USH1C: variants seen among roughly 807,000 people sequenced by gnomAD.
USH1C encodes the protein harmonin.
USH1C carries 90 observed loss-of-function variants against 119.3 expected under a neutral mutation model. The ratio of observed to expected loss-of-function variants is 0.75; its 90% confidence interval spans 0.64 to 0.90. The LOEUF (loss-of-function observed/expected upper bound fraction) is 0.90. USH1C is among the 40% of genes least tolerant of loss of function. The pLI is 0.00. For missense variants in USH1C, 1,165 were observed against 1,167.7 expected (o/e 1.00, Z 0.03); for synonymous variants, 465 against 443.3 (o/e 1.05, Z -0.62).
At chr11:17,523,629 G>A in intron 9 of USH1C, 151 bp from the exon 10 acceptor site, 1 of 777,674 alleles carries the variant, frequency 1.3e-6, no homozygotes, top group East Asian at 2.7e-5. Context: ...CAGTTGGAAA[G>A]CTCTGGTGGA....
chr11:17,530,818 G>A (rs1850931852), intron 4 of USH1C, among the ~76,000 whole-genome samples: 2 of 152,282 alleles, frequency 1.3e-5, no homozygotes, highest in Admixed American at 1.3e-4. Flanking sequence ...CTGGTAAAAG[G>A]CAACAGGTCC....
At chr11:17,526,477 C>T (rs756968697) in intron 7 of USH1C, 36 bp from the exon 8 acceptor site, 9 of 1,579,780 alleles carry the variant, frequency 5.7e-6, no homozygotes, top group Non-Finnish European at 7.8e-6. Flanking sequence ...ACGGAGTGTC[C>T]ACATGCGTGC....
intron 20 of USH1C, 132 bp from the exon 21 acceptor site, chr11:17,502,112 G>A: frequency 1.2e-6 from 1 of 863,936 alleles, no homozygotes; most frequent in Non-Finnish European, 1.8e-6. Flanking sequence ...GCACGGCCAG[G>A]GTACGGGATG....
Position 17,498,195 on chromosome 11 carries a change from C to T in USH1C, c.2457G>A (p.Glu819=). 1.2e-6 allele frequency: 2 copies of T among 1,613,886 alleles called. No individual in the cohort carries two copies. Among genetic ancestry groups the T allele is most frequent in the Non-Finnish European group, 1.7e-6 (2 of 1,179,964 alleles). The change falls in exon 24 of 27, where the codon GAG becomes GAA. Residue 819 remains glutamate, a synonymous_variant. Coordinates refer to ENST00000005226, the MANE Select transcript of USH1C (RefSeq NM_153676.4). ...GATTCCAGGCCTTCTGCAGGGCAGC[C>T]TCAGCCTCAGCCAGGGTGTAGTCTG... ...IVTDYTLAEA[E]AALQKAWNQG...
chr11:17,532,311 T>A (rs755231129), intron 2 of USH1C, among the ~76,000 whole-genome samples: 1 of 152,212 alleles, frequency 6.6e-6, no homozygotes, highest in Non-Finnish European at 1.5e-5. Context: ...TATTATTATT[T>A]TTTTGAGACA....
intron 4 of USH1C, among the ~76,000 whole-genome samples, chr11:17,529,928 G>A (rs956240806): frequency 1.3e-5 from 2 of 152,194 alleles, no homozygotes; most frequent in Non-Finnish European, 2.9e-5. Flanking sequence ...GAAAAAAGGC[G>A]GCCTCAGCTG....
In USH1C at chr11:17,520,957, C is replaced by G. The variant is rs372333441; in HGVS notation, c.1123G>C (p.Glu375Gln). ...EEEEKFKKQW[E>Q]EDWGSKEQLL... Reference sequence around the variant, plus strand: ...TGTTCCTTTGAGCCCCAGTCTTCTTCCCATTGCTTCTTAAACTTCTCTTCC... The same window carrying G: ...TGTTCCTTTGAGCCCCAGTCTTCTTGCCATTGCTTCTTAAACTTCTCTTCC... The change falls in exon 14 of 27, where the codon GAA becomes CAA. Residue 375 changes from glutamate to glutamine, a missense_variant. Glu to Gln is a conservative substitution (Grantham distance 29). Coordinates refer to ENST00000005226, the MANE Select transcript of USH1C (RefSeq NM_153676.4). The G allele has an allele frequency of 1.2e-6, 2 of 1,613,974 alleles. No homozygotes were observed. The highest frequency in any genetic ancestry group is 2.7e-5 in the African/African-American group (2 of 74,890).
chr11:17,505,724 G>C (rs756233343), intron 19 of USH1C, 106 bp downstream of exon 19: 2 of 1,526,646 alleles, frequency 1.3e-6, no homozygotes, highest in Admixed American at 3.7e-5. Flanking sequence ...TCTGTGATCT[G>C]CATTTTTGTC....
In USH1C at chr11:17,505,874, C is replaced by A. The variant is rs139116036; in HGVS notation, c.2089G>T (p.Glu697Ter). The change falls in exon 19 of 27, where the codon GAG becomes TAG. Residue 697 changes from glutamate (E) to a stop codon, truncating the protein, a stop_gained. Transcript: ENST00000005226. LOFTEE classifies it high-confidence loss of function. The stretch of plus-strand genomic sequence containing the variant: ...GCTGGCCTGTAGATGAAATTGGGCT[C>A]CTGGTGGACCATGACAGGTTTGGAG... The part of the protein sequence containing the change: ...TISKPVMVHQ[E>*]PNFIYRPAVK... The A allele has an allele frequency of 1.9e-6, 3 of 1,614,036 alleles. No homozygotes were observed. Among genetic ancestry groups the A allele is most frequent in the East Asian group, 4.5e-5 (2 of 44,892 alleles).
At chr11:17,502,160 C>T (rs1288142893) in intron 20 of USH1C, 180 bp from the exon 21 acceptor site, 7 of 586,562 alleles carry the variant, frequency 1.2e-5, no homozygotes, top group Admixed American at 3.1e-5. Context: ...CCAGGGCACC[C>T]CTGTTCAGGG....
chr11:17,513,132 A>G (rs1849966219), intron 15 of USH1C, among the ~76,000 whole-genome samples: 1 of 152,168 alleles, frequency 6.6e-6, no homozygotes, highest in Admixed American at 6.5e-5. Context: ...TAGTACCAGG[A>G]TTTGGACCTG....
intron 23 of USH1C, among the ~76,000 whole-genome samples, chr11:17,499,638 C>T (rs912716100): frequency 6.6e-6 from 1 of 152,184 alleles, no homozygotes; most frequent in African/African-American, 2.4e-5. Flanking sequence ...TGGGTGGGCA[C>T]TGATGGGCTG....
rs775913363 is a variant in USH1C at position 17,521,427 on chromosome 11, A to G, written c.1020-16T>C. ...TTTTCTCCTTCTGAAACACAAATGC[A>G]GATTGGCATGTTTGGCCCTATGCAA... On this transcript the variant is annotated splice_polypyrimidine_tract_variant and intron_variant, in intron 12 of 26. Coordinates refer to ENST00000005226, the MANE Select transcript of USH1C (RefSeq NM_153676.4). 1.4e-5 allele frequency: 22 copies of G among 1,613,706 alleles called. No homozygotes were observed. In the South Asian group the frequency reaches 2.2e-4, roughly 16 times the overall value.
chr11:17,511,561 G>A (rs1849891987), intron 16 of USH1C, among the ~76,000 whole-genome samples: 1 of 152,188 alleles, frequency 6.6e-6, no homozygotes, highest in Non-Finnish European at 1.5e-5. Flanking sequence ...TCTAAGCCAG[G>A]TGTATCAAAG....
rs550671494 is a variant in USH1C at position 17,536,901 on chromosome 11, T to C, written c.37-3579A>G. Reference sequence around the variant, plus strand: ...AATGCTCTTTAAATATGAATCTAAGTGATAGATCATCAAAAACTTGAAAAC... The same window carrying C: ...AATGCTCTTTAAATATGAATCTAAGCGATAGATCATCAAAAACTTGAAAAC... On this transcript the variant is annotated intron_variant, in intron 1 of 26. Coordinates refer to ENST00000005226, the MANE Select transcript of USH1C (RefSeq NM_153676.4). Among the ~76,000 whole-genome samples, 3 of 152,322 alleles carry C rather than the reference T, an allele frequency of 2.0e-5. No homozygotes were observed. The East Asian group carries it at 5.8e-4, about 29-fold the overall frequency.
intron 14 of USH1C, chr11:17,517,517 C>T (rs1277920786): frequency 6.4e-7 from 1 of 1,552,330 alleles, no homozygotes; most frequent in Non-Finnish European, 8.7e-7. Context: ...CCAAAAGGGA[C>T]TTGGGAGCCC....
intron 20 of USH1C, 47 bp from the exon 21 acceptor site, chr11:17,502,027 A>T: frequency 6.2e-7 from 1 of 1,602,484 alleles, no homozygotes. Context: ...GAGGGTCTTG[A>T]GGGTCAGAGC....
intron 6 of USH1C, 60 bp from the exon 7 acceptor site, chr11:17,526,870 C>A (rs1202830493): frequency 8.8e-6 from 14 of 1,597,852 alleles, no homozygotes; most frequent in Non-Finnish European, 1.2e-5. Flanking sequence ...AGGAACCAGG[C>A]CCCACATCCA....
chr11:17,500,446 G>C (rs999944538), intron 23 of USH1C, among the ~76,000 whole-genome samples: 4 of 152,216 alleles, frequency 2.6e-5, no homozygotes, highest in African/African-American at 9.6e-5. Context: ...TGAGGATTAA[G>C]TGAGTTAATA....
Sources: gnomAD v4.1 joint callset for allele counts (sites outside exome capture counted in the v4.1 genomes callset) on GRCh38, gnomAD v4.1.1 for gene constraint, MANE v1.5 for transcripts, NCBI Gene and HGNC (gene_info 2026-07-23, HGNC 2026-07-21) for gene names.